BCAS3: variants seen among roughly 807,000 people sequenced by gnomAD.
BCAS3 encodes BCAS3 microtubule associated cell migration factor, also known as BCAS4/BCAS3 fusion.
Under a neutral mutation model 116.1 loss-of-function variants are expected in BCAS3, and 53 were observed. The ratio of observed to expected loss-of-function variants is 0.46; its 90% confidence interval spans 0.37 to 0.57. The LOEUF (loss-of-function observed/expected upper bound fraction) is 0.57. Among genes scored for constraint, BCAS3 ranks in the 20% least tolerant of loss-of-function variants. BCAS3 has a pLI of 0.00. For synonymous variants in BCAS3, 391 were observed against 408.2 expected, an observed-to-expected ratio of 0.96 and a Z score of 0.51; for missense variants, 917 against 1,165.4, an observed-to-expected ratio of 0.79 and a Z score of 3.10.
chr17:60,766,091 C>CT (rs2044066666), intron 6 of BCAS3, among the ~76,000 whole-genome samples: 1 of 152,140 alleles, frequency 6.6e-6, no homozygotes, highest in Non-Finnish European at 1.5e-5. Flanking sequence ...TTTGTCTAAT[C>CT]TTTTTTCAAG....
At chr17:60,913,132 T>G (rs775345594) in intron 12 of BCAS3, among the ~76,000 whole-genome samples, 4 of 152,186 alleles carry the variant, frequency 2.6e-5, no homozygotes, top group Non-Finnish European at 5.9e-5. Context: ...ATTGGAGAGT[T>G]GCAAAAGTTC....
chr17:60,858,954 A>G (rs963982422), intron 7 of BCAS3, among the ~76,000 whole-genome samples: 11 of 152,144 alleles, frequency 7.2e-5, no homozygotes, highest in African/African-American at 2.7e-4. Flanking sequence ...TGCTTCTACA[A>G]CAGTTATCAT....
Position 61,040,830 on chromosome 17 carries a change from C to T in BCAS3, c.1967C>T (p.Ala656Val), listed in dbSNP as rs765142388. 3.1e-6 allele frequency: 5 copies of T among 1,614,088 alleles called. No individual in the cohort carries two copies. Among genetic ancestry groups the T allele is most frequent in the Non-Finnish European group, 4.2e-6 (5 of 1,180,000 alleles). ...AATGAATTGCAGCCACCGTTTAATGCAAACCACCCTCTGCTCCTCGCTGCA... is the reference window on the plus strand; with the variant it reads ...AATGAATTGCAGCCACCGTTTAATGTAAACCACCCTCTGCTCCTCGCTGCA... ...QWNELQPPFNANHPLLLAADA... is the reference protein window; with the variant it reads ...QWNELQPPFNVNHPLLLAADA... The change falls in exon 19 of 24, where the codon GCA becomes GTA. Residue 656 changes from alanine to valine, a missense_variant. This residue lies in a region of BCAS3 where 807 missense variants were observed against 1,026.0 expected (regional missense o/e 0.79). Coordinates refer to ENST00000407086, the MANE Select transcript of BCAS3 (RefSeq NM_017679.5).
chr17:60,725,532 A>C (rs2039730512), intron 5 of BCAS3, among the ~76,000 whole-genome samples: 1 of 152,092 alleles, frequency 6.6e-6, no homozygotes, highest in African/African-American at 2.4e-5. Flanking sequence ...AAGGTCACTA[A>C]ATATTTGCAG....
intron 5 of BCAS3, among the ~76,000 whole-genome samples, chr17:60,716,092 A>C (rs1232057780): frequency 2.0e-5 from 3 of 149,180 alleles, no homozygotes; most frequent in Non-Finnish European, 4.5e-5. Context: ...CGAGCTCCTG[A>C]CCTTGTGCTG....
rs1223047430 is a variant in BCAS3, at chr17:61,281,439, G to A, written c.2426-86888G>A. Among the ~76,000 whole-genome samples, 1 of 152,086 alleles carries A rather than the reference G, an allele frequency of 6.6e-6. No homozygotes were observed. Among genetic ancestry groups the A allele is most frequent in the Non-Finnish European group, 1.5e-5 (1 of 68,016 alleles). On this transcript the variant is annotated intron_variant, in intron 22 of 23. Transcript: ENST00000407086. This position sits in a 1 kb window ranked among gnomAD's most constrained non-coding sequence, Gnocchi z 4.2. Reference sequence around the variant, plus strand: ...TTTTCCATCATAGTCACCATACTAAGTTATACTCCCACCCCCAGGTATGAG... The same window carrying A: ...TTTTCCATCATAGTCACCATACTAAATTATACTCCCACCCCCAGGTATGAG...
rs565004895 is a variant in BCAS3 at position 61,327,337 on chromosome 17, G to A, written c.2426-40990G>A. 2.8e-4 allele frequency among the ~76,000 whole-genome samples: 42 copies of A among 151,894 alleles called. No homozygotes were observed. The highest frequency in any genetic ancestry group is 2.2e-3 in the Admixed American group (33 of 15,256). ...AAAATAAAAATAAAAATAAACAAAC[G>A]TTTAAAAAATCAATTTTAGAGGCAA... is the stretch of plus-strand genomic sequence containing the variant. On this transcript the variant is annotated intron_variant, in intron 22 of 23. Coordinates refer to ENST00000407086, the MANE Select transcript of BCAS3 (RefSeq NM_017679.5). The surrounding 1 kb of genome is among the most constrained non-coding windows in gnomAD (Gnocchi z 5.9).
rs1338992405 is a variant in BCAS3, at chr17:61,021,794, G to A, written c.1637+5893G>A. ...AATCTACCATCAGACTTGGCTATGT[G>A]AGTAAATGATATTGGCATATAGTAG... On this transcript the variant is annotated intron_variant, in intron 16 of 23. Coordinates refer to ENST00000407086, the MANE Select transcript of BCAS3 (RefSeq NM_017679.5). This position sits in a 1 kb window ranked among gnomAD's most constrained non-coding sequence, Gnocchi z 4.6. Among the ~76,000 whole-genome samples, 2 of 152,210 alleles carry A rather than the reference G, an allele frequency of 1.3e-5. No individual in the cohort carries two copies. Among genetic ancestry groups the A allele is most frequent in the Non-Finnish European group, 2.9e-5 (2 of 68,050 alleles).
At chr17:61,246,970 G>C (rs1032082595) in intron 22 of BCAS3, among the ~76,000 whole-genome samples, 1 of 152,042 alleles carries the variant, frequency 6.6e-6, no homozygotes, top group African/African-American at 2.4e-5. Flanking sequence ...CTTTAGTACC[G>C]AAATTAACTT....
chr17:61,048,672 A>G (rs2068566820), intron 19 of BCAS3, among the ~76,000 whole-genome samples: 1 of 151,982 alleles, frequency 6.6e-6, no homozygotes, highest in Admixed American at 6.6e-5. Flanking sequence ...CAAAGCCCAA[A>G]ATATTTACTA....
intron 14 of BCAS3, among the ~76,000 whole-genome samples, chr17:60,974,146 A>G (rs536947867): frequency 6.6e-6 from 1 of 152,312 alleles, no homozygotes; most frequent in South Asian, 2.1e-4. Flanking sequence ...AAAGTTTAAC[A>G]ATCTCTGCTT....
In BCAS3 at chr17:61,097,640, TA is replaced by T. The variant is rs1398642012; in HGVS notation, c.2425+13080del. 1.3e-5 allele frequency among the ~76,000 whole-genome samples: 2 copies of T among 152,184 alleles called. No individual in the cohort carries two copies. Among genetic ancestry groups the T allele is most frequent in the South Asian group, 2.1e-4 (1 of 4,830 alleles). The stretch of plus-strand genomic sequence containing the variant: ...CAGGATATTTTTCAATAGACAGAAG[TA>T]AAAGAGATGGGAAACCAGTATTAAT... On this transcript the variant is annotated intron_variant, in intron 22 of 23. Transcript: ENST00000407086. The surrounding 1 kb of genome is among the most constrained non-coding windows in gnomAD (Gnocchi z 4.0).
chr17:60,987,971 T>C (rs188328282), intron 14 of BCAS3, among the ~76,000 whole-genome samples: 53 of 152,278 alleles, frequency 3.5e-4, no homozygotes, highest in African/African-American at 1.3e-3. Context: ...CCATTGTACA[T>C]GGCTTTTCTT....
At chr17:60,849,325 A>G (rs1024201191) in intron 7 of BCAS3, among the ~76,000 whole-genome samples, 4 of 145,782 alleles carry the variant, frequency 2.7e-5, no homozygotes, top group Non-Finnish European at 4.5e-5. Context: ...CTCTTTATTC[A>G]TTTCCTTTTA....
chr17:61,311,104 G>T (rs1161787224), intron 22 of BCAS3, among the ~76,000 whole-genome samples: 1 of 152,120 alleles, frequency 6.6e-6, no homozygotes, highest in Non-Finnish European at 1.5e-5. Context: ...TTAAAATACT[G>T]CCTGCTCCTA....
rs933494748 is a variant in BCAS3 at position 61,239,694 on chromosome 17, G to A, written c.2426-128633G>A. 9.9e-5 allele frequency among the ~76,000 whole-genome samples: 15 copies of A among 152,148 alleles called. No individual in the cohort carries two copies. The highest frequency in any genetic ancestry group is 1.6e-4 in the Non-Finnish European group (11 of 68,030). On this transcript the variant is annotated intron_variant, in intron 22 of 23. Transcript: ENST00000407086. This position sits in a 1 kb window ranked among gnomAD's most constrained non-coding sequence, Gnocchi z 4.2. ...TATTAAAGTTGGCTTTCAGAGATTA[G>A]TTTTTTCCTACTTAAAATTAAGAAC...
intron 8 of BCAS3, among the ~76,000 whole-genome samples, chr17:60,870,246 G>A (rs1461468789): frequency 6.6e-6 from 1 of 152,206 alleles, no homozygotes; most frequent in Admixed American, 6.5e-5. Flanking sequence ...TTTTAAATTT[G>A]AGGAAGGTAG....
At chr17:60,850,078 G>C (rs773359868) in intron 7 of BCAS3, among the ~76,000 whole-genome samples, 17 of 152,096 alleles carry the variant, frequency 1.1e-4, no homozygotes, top group Admixed American at 7.2e-4. Flanking sequence ...CCTATTCTTT[G>C]ATACATCCAC....
intron 22 of BCAS3, among the ~76,000 whole-genome samples, chr17:61,150,431 T>A (rs1463245350): frequency 6.6e-6 from 1 of 152,224 alleles, no homozygotes; most frequent in Non-Finnish European, 1.5e-5. Flanking sequence ...ATTTATGACT[T>A]ACTGAAGTAG....
Sources: allele counts gnomAD v4.1 joint callset (sites outside exome capture counted in the v4.1 genomes callset), GRCh38; gene constraint gnomAD v4.1.1; regional missense constraint gnomAD v4.1.1; non-coding constraint Gnocchi (gnomAD v3.1); transcripts MANE v1.5; gene names NCBI Gene and HGNC (gene_info 2026-07-23, HGNC 2026-07-21).